The following CASK variants were observed in gnomAD, a reference collection of about 807,000 sequenced individuals.
CASK encodes the protein calcium/calmodulin dependent serine protein kinase.
In CASK, 4 loss-of-function variants were observed where a neutral mutation model predicts 82.9. The observed-to-expected ratio is 0.05, with a 90% CI of 0.02 to 0.11. The LOEUF is 0.11. CASK is among the 10% of genes least tolerant of loss of function. The pLI is 1.00. For synonymous variants in CASK, 259 were observed against 253.5 expected, an observed-to-expected ratio of 1.02 and a Z score of -0.20; for missense variants, 358 against 720.9, an observed-to-expected ratio of 0.50 and a Z score of 5.76.
Position 41,846,462 on chromosome X carries a change from TG to T in CASK, c.172+6652del, listed in dbSNP as rs763107198. Among the ~76,000 whole-genome samples the T allele has an allele frequency of 1.3e-3, 115 of 89,733 alleles. 2 individuals carry two copies. Among genetic ancestry groups the T allele is most frequent in the African/African-American group, 4.7e-3 (112 of 23,762 alleles). 77.9% of individuals were successfully genotyped at this position (89,733 alleles called of 115,157 possible). A position where few individuals can be genotyped will look rare whatever the true frequency, so the allele number is the denominator to read the frequency against. ...GGGGGGGCGGGGGGCTAGTAGGGGT[TG>T]GGGAAAGTAGGGATGGTTAATGGGT... On this transcript the variant is annotated intron_variant, in intron 2 of 26. Transcript: ENST00000378163.
rs753287505 is a variant in CASK, at chrX:41,923,013, G to A, written c.-25C>T. Reference sequence around the variant, plus strand: ...TGGTCCGGAGGGGATAGCGGCCGCAGCGTGGAGGGCTTCGAAAACGGGGGT... The same window carrying A: ...TGGTCCGGAGGGGATAGCGGCCGCAACGTGGAGGGCTTCGAAAACGGGGGT... On this transcript the variant is annotated 5_prime_UTR_variant, in exon 1 of 27. Transcript: ENST00000378163. The A allele has an allele frequency of 1.7e-6, 2 of 1,199,723 alleles. No individual in the cohort carries two copies. Among genetic ancestry groups the A allele is most frequent in the Non-Finnish European group, 2.3e-6 (2 of 884,820 alleles).
chrX:41,617,741 T>C (rs2066223297), intron 11 of CASK, among the ~76,000 whole-genome samples: 1 of 112,260 alleles, frequency 8.9e-6, no homozygotes, highest in Admixed American at 9.4e-5. Flanking sequence ...GCTTCTCCAT[T>C]GCTATTTGTT....
At chrX:41,644,408 T>C (rs1176230596) in intron 8 of CASK, among the ~76,000 whole-genome samples, 1 of 112,494 alleles carries the variant, frequency 8.9e-6, no homozygotes, top group Non-Finnish European at 1.9e-5. Flanking sequence ...TTATCACTTC[T>C]TTAATCAATA....
chrX:41,660,231 T>C, intron 8 of CASK: 1 of 455,565 alleles, frequency 2.2e-6, no homozygotes, highest in Non-Finnish European at 3.8e-6. Flanking sequence ...TTTTTTACCC[T>C]CTGATAGCTG....
chrX:41,844,663 T>C (rs1601896000), intron 2 of CASK, among the ~76,000 whole-genome samples: 1 of 111,877 alleles, frequency 8.9e-6, no homozygotes, highest in South Asian at 3.6e-4. Context: ...ACTTTTGGTT[T>C]TATTGACTTC....
At chrX:41,891,136 C>T (rs2072161441) in intron 1 of CASK, among the ~76,000 whole-genome samples, 1 of 109,881 alleles carries the variant, frequency 9.1e-6, no homozygotes, top group Non-Finnish European at 1.9e-5. Context: ...GCGATCTGCC[C>T]ACCTCGGCCT....
In CASK at chrX:41,747,091, T is replaced by C. The variant is rs190789947; in HGVS notation, c.279-1490A>G. Reference sequence around the variant, plus strand: ...CAGCAGAAGACACACTGTAGACACCTAATGAACAGTTGATTCTATTATTTG... The same window carrying C: ...CAGCAGAAGACACACTGTAGACACCCAATGAACAGTTGATTCTATTATTTG... On this transcript the variant is annotated intron_variant, in intron 3 of 26. Coordinates refer to ENST00000378163, the MANE Select transcript of CASK (RefSeq NM_001367721.1). 6.3e-5 allele frequency among the ~76,000 whole-genome samples: 7 copies of C among 111,202 alleles called. No individual in the cohort carries two copies. The South Asian group carries it at 2.4e-3, about 38-fold the overall frequency.
intron 8 of CASK, among the ~76,000 whole-genome samples, chrX:41,655,586 G>A (rs185987297): frequency 2.2e-4 from 24 of 111,363 alleles, no homozygotes; most frequent in African/African-American, 6.2e-4. Context: ...CATCCTCTCC[G>A]GGAAGTGCAA....
intron 21 of CASK, among the ~76,000 whole-genome samples, chrX:41,552,056 A>G (rs1254817231): frequency 9.5e-6 from 1 of 105,245 alleles, no homozygotes; most frequent in Non-Finnish European, 1.9e-5. Context: ...CCTCCCAAGT[A>G]GCTGGGATTA....
intron 12 of CASK, among the ~76,000 whole-genome samples, chrX:41,604,594 A>G (rs927947578): frequency 1.8e-5 from 2 of 110,555 alleles, no homozygotes; most frequent in Non-Finnish European, 3.8e-5. Flanking sequence ...TGAGACAATC[A>G]ATTTCTGTTG....
intron 2 of CASK, among the ~76,000 whole-genome samples, chrX:41,808,722 G>A (rs1354555135): frequency 8.9e-6 from 1 of 112,128 alleles, no homozygotes; most frequent in South Asian, 3.8e-4. Flanking sequence ...CGGACAGTGG[G>A]TGCAGGACAG....
intron 7 of CASK, among the ~76,000 whole-genome samples, chrX:41,661,736 A>G (rs1472838427): frequency 1.8e-5 from 2 of 109,015 alleles, no homozygotes; most frequent in African/African-American, 6.7e-5. Flanking sequence ...AAATCCCATT[A>G]AGACTAATGC....
intron 8 of CASK, among the ~76,000 whole-genome samples, chrX:41,644,216 G>A (rs1160043638): frequency 2.7e-5 from 3 of 111,922 alleles, no homozygotes; most frequent in Non-Finnish European, 3.8e-5. Flanking sequence ...GTTCATCAGG[G>A]ATATTTGTTG....
intron 12 of CASK, among the ~76,000 whole-genome samples, chrX:41,602,026 A>G (rs1485601067): frequency 8.9e-6 from 1 of 112,346 alleles, no homozygotes; most frequent in African/African-American, 3.2e-5. Context: ...TGCCAACACC[A>G]TACTATTTTG....
At position 41,587,083 on chromosome X, in the gene CASK, T is replaced by TG. The variant is rs1340320912; in HGVS notation, c.1234-97dup. ...GTTAAAAATTATGAGTGGATTTTTATGGCAGGCAAAACAATTATTTTGAAA... is the reference window on the plus strand; with the variant it reads ...GTTAAAAATTATGAGTGGATTTTTATGGGCAGGCAAAACAATTATTTTGAAA... On this transcript the variant is annotated intron_variant, in intron 13 of 26. Coordinates refer to ENST00000378163, the MANE Select transcript of CASK (RefSeq NM_001367721.1). 5.6e-6 allele frequency: 3 copies of TG among 533,660 alleles called. No homozygotes were observed. In the African/African-American group the frequency reaches 7.0e-5, roughly 12 times the overall value. The allele number at this position is 533,660 out of a possible 1,213,427, so 44.0% of individuals were successfully genotyped here.
chrX:41,822,914 T>C (rs762124072), intron 2 of CASK, among the ~76,000 whole-genome samples: 63 of 109,884 alleles, frequency 5.7e-4, no homozygotes, highest in Non-Finnish European at 9.5e-4. Context: ...CTTCTCACTC[T>C]AGCACAATCT....
chrX:41,896,149 A>G (rs759144111), intron 1 of CASK, among the ~76,000 whole-genome samples: 1 of 111,729 alleles, frequency 9.0e-6, no homozygotes, highest in African/African-American at 3.3e-5. Context: ...ATTACTCCCA[A>G]ACTCCCTCCC....
intron 8 of CASK, among the ~76,000 whole-genome samples, chrX:41,650,665 A>C (rs777485580): frequency 9.2e-6 from 1 of 108,939 alleles, no homozygotes; most frequent in Non-Finnish European, 1.9e-5. Context: ...CCTTACTCTA[A>C]TTACTTAGAG....
chrX:41,579,465 T>C (rs1025606865), intron 14 of CASK, among the ~76,000 whole-genome samples: 1 of 111,891 alleles, frequency 8.9e-6, no homozygotes, highest in Non-Finnish European at 1.9e-5. Flanking sequence ...TTGGTGAACT[T>C]CAACAATAAA....
Sources: allele counts gnomAD v4.1 joint callset (sites outside exome capture counted in the v4.1 genomes callset), GRCh38; gene constraint gnomAD v4.1.1; transcripts MANE v1.5; gene names NCBI Gene and HGNC (gene_info 2026-07-23, HGNC 2026-07-21).